Variants in MAP7D3 observed in about 807,000 individuals in gnomAD.
MAP7D3 encodes MAP7 domain containing 3, also known as MAP7 domain-containing protein 3.
MAP7D3 carries 45 observed loss-of-function variants against 62.2 expected under a neutral mutation model. The observed-to-expected ratio is 0.72, with a 90% CI of 0.57 to 0.93. The LOEUF (loss-of-function observed/expected upper bound fraction) is 0.93, where lower values mean the gene tolerates loss of function less well. Ranked by LOEUF, MAP7D3 falls within the 40% of genes least tolerant of loss-of-function variation. The probability of loss-of-function intolerance (pLI) is 0.00; values close to 1 mark genes in which losing one functional copy is unlikely to be tolerated. For missense variants in MAP7D3, 711 were observed against 683.1 expected, an observed-to-expected ratio of 1.04 and a Z score of -0.45; for synonymous variants, 288 against 248.8, an observed-to-expected ratio of 1.16 and a Z score of -1.48.
In MAP7D3 at chrX:136,246,383, G is replaced by A. The variant is rs759431620; in HGVS notation, c.71-42C>T. On this transcript the variant is annotated intron_variant, in intron 1 of 18. Transcript: ENST00000316077. ...TAAAAGGATTAGATGTTAAGAATAC[G>A]GATAGCTAACACAGGAGTCAGCAAA... The A allele has an allele frequency of 2.1e-5, 19 of 899,402 alleles. 1 individual carries two copies. The highest frequency in any genetic ancestry group is 5.3e-4 in the Middle Eastern group (2 of 3,741). The allele number at this position is 899,402 out of a possible 1,213,427, so 74.1% of individuals were successfully genotyped here. A position where few individuals can be genotyped will look rare whatever the true frequency, so the allele number is the denominator to read the frequency against.
At chrX:136,216,376 A>G (rs1225005133), downstream of MAP7D3, among the ~76,000 whole-genome samples, 6 of 104,240 alleles carry the variant, frequency 5.8e-5, no homozygotes, top group African/African-American at 7.0e-5. Flanking sequence ...AAAAAAAAAA[A>G]AAAAAGAAAA....
At chrX:136,240,316 G>T in intron 6 of MAP7D3, 66 bp downstream of exon 6, 1 of 699,030 alleles carries the variant, frequency 1.4e-6, no homozygotes, top group Non-Finnish European at 2.3e-6. Flanking sequence ...AGGTGGTACT[G>T]TAAAAATATA....
downstream of MAP7D3, among the ~76,000 whole-genome samples, chrX:136,215,774 C>G (rs1201508545): frequency 9.0e-6 from 1 of 111,710 alleles, no homozygotes; most frequent in Non-Finnish European, 1.9e-5. Context: ...TTTGTTTTGC[C>G]ACTCACAGTA....
chrX:136,246,322 A>G lies in MAP7D3; in HGVS notation c.90T>C (p.Ile30=). The G allele has an allele frequency of 1.7e-6, 2 of 1,194,802 alleles. No homozygotes were observed. The highest frequency in any genetic ancestry group is 1.8e-5 in the South Asian group (1 of 56,273). ...RARMVAAANE[I]AKERRKQDVV... ...CATCTTGCTTCCTCCTTTCCTTAGC[A>G]ATCTCGTTTGCTGCAGCAACTAAAA... Residue 30 remains isoleucine, a synonymous_variant, in exon 2 of 19, where the codon ATT becomes ATC. Coordinates refer to ENST00000316077, the MANE Select transcript of MAP7D3 (RefSeq NM_024597.4).
Position 136,240,505 on chromosome X carries a change from C to G in MAP7D3, c.536-19G>C. 1 of 977,459 alleles carries G rather than the reference C, an allele frequency of 1.0e-6. No individual in the cohort carries two copies. Among genetic ancestry groups the G allele is most frequent in the Non-Finnish European group, 1.5e-6 (1 of 686,717 alleles). 80.6% of individuals were successfully genotyped at this position (977,459 alleles called of 1,213,427 possible). ...TTATTGGCTGAGAAAAGACATAATA[C>G]TTACTGTAATCATATTTCAAGGAGG... On this transcript the variant is annotated intron_variant, in intron 5 of 18. Coordinates refer to ENST00000316077, the MANE Select transcript of MAP7D3 (RefSeq NM_024597.4).
chrX:136,230,734 C>T, intron 9 of MAP7D3, 105 bp downstream of exon 9: 2 of 974,042 alleles, frequency 2.1e-6, no homozygotes, highest in East Asian at 3.1e-5. Context: ...TTTCCCTTTA[C>T]ATTTGTGTTA....
chrX:136,253,022 C>T (rs966597555), upstream of MAP7D3, among the ~76,000 whole-genome samples: 5 of 110,670 alleles, frequency 4.5e-5, 1 homozygote, highest in Non-Finnish European at 7.6e-5. Context: ...CGCTTGAACC[C>T]GGGAGGTGGA....
rs917584448 is a variant in MAP7D3, at chrX:136,256,401, G to A, written c.-82C>T. The A allele has an allele frequency of 7.0e-6, 7 of 1,001,778 alleles. No individual in the cohort carries two copies. The East Asian group carries it at 1.7e-4, about 24-fold the overall frequency. The allele number at this position is 1,001,778 out of a possible 1,213,427, so 82.6% of individuals were successfully genotyped here. On this transcript the variant is annotated 5_prime_UTR_variant, in exon 1 of 19. Transcript: ENST00000370663. ...TCCCCCACCAACAACTGACACTTCA[G>A]TACCCCTCCTTCCTGTGGCACAGAG...
chrX:136,244,918 T>G, intron 3 of MAP7D3, 123 bp from the exon 4 acceptor site: 1 of 493,573 alleles, frequency 2.0e-6, no homozygotes, highest in Non-Finnish European at 3.3e-6. Flanking sequence ...TAACACAACC[T>G]GTGCTAGTAA....
rs769755583 is a variant in MAP7D3 at position 136,244,681 on chromosome X, C to T, written c.368G>A (p.Arg123Gln). 3.0e-5 allele frequency: 36 copies of T among 1,208,745 alleles called. No homozygotes were observed. In the Middle Eastern group the frequency reaches 6.9e-4, roughly 23 times the overall value. The change falls in exon 4 of 19, where the codon CGG becomes CAG. Residue 123 changes from arginine to glutamine, a missense_variant. Physicochemically the swap from Arg to Gln is conservative, Grantham distance 43. Transcript: ENST00000316077. ...TCTTTTTTCTTCTGCAGCTATTCTC[C>T]GTTGTTCTTCTTTCTCTTTTCGCTC... ...LKERKEKEEQ[R>Q]RIAAEEKRHQ... is the part of the protein sequence containing the mutation.
At chrX:136,229,980 TA>T (rs1569531765) in intron 10 of MAP7D3, among the ~76,000 whole-genome samples, 3 of 63,222 alleles carry the variant, frequency 4.7e-5, no homozygotes, top group Non-Finnish European at 8.8e-5. Context: ...TATATATATA[TA>T]TATATATATA....
upstream of MAP7D3, among the ~76,000 whole-genome samples, chrX:136,253,238 A>G (rs929845489): frequency 1.8e-5 from 2 of 112,515 alleles, no homozygotes; most frequent in African/African-American, 6.5e-5. Context: ...CGACACACAT[A>G]TGATTAGGGT....
At chrX:136,242,078 T>C (rs764147259) in intron 4 of MAP7D3, among the ~76,000 whole-genome samples, 9 of 111,700 alleles carry the variant, frequency 8.1e-5, no homozygotes, top group Non-Finnish European at 1.5e-4. Flanking sequence ...ACAAAGCCTC[T>C]ACTGTTTCTA....
At position 136,227,299 on chromosome X, in the gene MAP7D3, C is replaced by A. The variant is rs775954906; in HGVS notation, c.2019G>T (p.Gln673His). 8.3e-7 allele frequency: 1 copy of A among 1,209,012 alleles called. No individual in the cohort carries two copies. Among genetic ancestry groups the A allele is most frequent in the African/African-American group, 1.7e-5 (1 of 57,171 alleles). The change falls in exon 12 of 19, where the codon CAG becomes CAT. Residue 673 changes from glutamine to histidine, a missense_variant. Coordinates refer to ENST00000316077, the MANE Select transcript of MAP7D3 (RefSeq NM_024597.4). ...GTCAGCAAACCTGCAGTGGTGCTTC[C>A]TGGTCTTCCTGATCCAGCCATCCTT... Reference protein sequence around the residue: ...KKKGWLDQEDQEAPLQKGDAK... With the variant: ...KKKGWLDQEDHEAPLQKGDAK...
Position 136,246,201 on chromosome X carries a change from T to C in MAP7D3, c.169+42A>G, listed in dbSNP as rs1187758155. On this transcript the variant is annotated intron_variant, in intron 2 of 18. Coordinates refer to ENST00000316077, the MANE Select transcript of MAP7D3 (RefSeq NM_024597.4). Reference sequence around the variant, plus strand: ...TTAATAGGATATCAAATTTTAAAGATATGACACTTTGACATCTATCAAAGC... The same window carrying C: ...TTAATAGGATATCAAATTTTAAAGACATGACACTTTGACATCTATCAAAGC... The C allele has an allele frequency of 3.5e-6, 4 of 1,129,325 alleles. No homozygotes were observed. In the South Asian group the frequency reaches 5.6e-5, roughly 16 times the overall value. The allele number at this position is 1,129,325 out of a possible 1,213,427, so 93.1% of individuals were successfully genotyped here. A position where few individuals can be genotyped will look rare whatever the true frequency, so the allele number is the denominator to read the frequency against.
At chrX:136,228,159 A>C (rs921186464) in intron 11 of MAP7D3, among the ~76,000 whole-genome samples, 5 of 112,188 alleles carry the variant, frequency 4.5e-5, no homozygotes, top group Non-Finnish European at 7.5e-5. Context: ...TCCTTCTAGC[A>C]ATGACTCACT....
At chrX:136,220,090 T>C (rs1284499962) in intron 16 of MAP7D3, among the ~76,000 whole-genome samples, 1 of 112,300 alleles carries the variant, frequency 8.9e-6, no homozygotes, top group African/African-American at 3.2e-5. Flanking sequence ...CAATTGCCCA[T>C]GTAGCATTCC....
chrX:136,242,256 T>C (rs1215455391), intron 4 of MAP7D3, among the ~76,000 whole-genome samples: 1 of 112,438 alleles, frequency 8.9e-6, no homozygotes, highest in Admixed American at 9.4e-5. Flanking sequence ...CCTGAAACTA[T>C]AATAGACTAA....
chrX:136,234,405 A>G (rs1282730186), intron 7 of MAP7D3, among the ~76,000 whole-genome samples: 1 of 111,704 alleles, frequency 9.0e-6, no homozygotes, highest in Non-Finnish European at 1.9e-5. Flanking sequence ...TTAGGTGAAA[A>G]AAGGAAGGTA....
Sources: gnomAD v4.1 joint callset for allele counts (sites outside exome capture counted in the v4.1 genomes callset) on GRCh38, gnomAD v4.1.1 for gene constraint, MANE v1.5 for transcripts, NCBI Gene and HGNC (gene_info 2026-07-23, HGNC 2026-07-21) for gene names.